FHIP2A: variants seen among roughly 807,000 people sequenced by gnomAD.
FHIP2A encodes the protein FHF complex subunit HOOK interacting protein 2A.
A neutral mutation model predicts 93.5 loss-of-function variants in FHIP2A; 46 were observed. That is an observed-to-expected ratio of 0.49 (90% CI 0.39 to 0.63). FHIP2A has a LOEUF of 0.63. Among genes scored for constraint, FHIP2A ranks in the 20% least tolerant of loss-of-function variants. FHIP2A has a pLI of 0.00. For missense variants in FHIP2A, 769 were observed against 909.7 expected (o/e 0.85, Z 1.99); for synonymous variants, 332 against 326.5 (o/e 1.02, Z -0.18).
rs780674581 is a variant in FHIP2A, at chr10:114,833,398, C to T, written c.290C>T (p.Ala97Val). 1 of 1,613,468 alleles carries T rather than the reference C, an allele frequency of 6.2e-7. No individual in the cohort carries two copies. The highest frequency in any genetic ancestry group is 1.1e-5 in the South Asian group (1 of 90,990). ...ILETLYTLGKADCPPGMKQQV... is the reference protein window; with the variant it reads ...ILETLYTLGKVDCPPGMKQQV... Reference sequence around the variant, plus strand: ...GAAACATTATATACCTTGGGGAAAGCTGATGTAAGTTCCTGATCCACACCA... The same window carrying T: ...GAAACATTATATACCTTGGGGAAAGTTGATGTAAGTTCCTGATCCACACCA... The change falls in exon 3 of 17, where the codon GCT becomes GTT. Residue 97 changes from alanine (A) to valine (V), a missense_variant. Transcript: ENST00000369248.
At chr10:114,853,110 T>C (rs187479532) in intron 13 of FHIP2A, among the ~76,000 whole-genome samples, 2 of 152,306 alleles carry the variant, frequency 1.3e-5, no homozygotes, top group African/African-American at 2.4e-5. Context: ...TGCCTTGGGG[T>C]TATAAGGTAA....
chr10:114,835,465 T>C, intron 3 of FHIP2A, 72 bp from the exon 4 acceptor site: 2 of 876,044 alleles, frequency 2.3e-6, no homozygotes, highest in South Asian at 3.2e-5. Flanking sequence ...TCTCCAATTT[T>C]TTAAGCTTTT....
At chr10:114,861,022 T>G in intron 15 of FHIP2A, 133 bp downstream of exon 15, 1 of 1,034,776 alleles carries the variant, frequency 9.7e-7, no homozygotes, top group Admixed American at 2.4e-5. Context: ...TTATACATTC[T>G]GAACTACTAT....
Position 114,843,921 on chromosome 10 carries a change from G to A in FHIP2A, c.997G>A (p.Glu333Lys), listed in dbSNP as rs762613569. 3 of 1,572,020 alleles carry A rather than the reference G, an allele frequency of 1.9e-6. No individual in the cohort carries two copies. The highest frequency in any genetic ancestry group is 2.6e-6 in the Non-Finnish European group (3 of 1,167,026). ...GGATCCGTTAGATATTGAAACCGTGGAAGCAATTAACTGGGGGTAAGCACC... is the reference window on the plus strand; with the variant it reads ...GGATCCGTTAGATATTGAAACCGTGAAAGCAATTAACTGGGGGTAAGCACC... ...SVDPLDIETV[E>K]AINWGLDSYS... Residue 333 changes from glutamate (E) to lysine (K), a missense_variant, in exon 7 of 17, where the codon GAA (glutamate) becomes AAA (lysine). Transcript: ENST00000369248.
intron 7 of FHIP2A, among the ~76,000 whole-genome samples, chr10:114,844,547 T>C (rs545148289): frequency 1.3e-5 from 2 of 152,354 alleles, no homozygotes; most frequent in South Asian, 4.1e-4. Context: ...CTCTATTTTC[T>C]GTCAACATCT....
At chr10:114,869,947 C>T (rs1322820399) in intron 16 of FHIP2A, among the ~76,000 whole-genome samples, 5 of 152,024 alleles carry the variant, frequency 3.3e-5, no homozygotes, top group Non-Finnish European at 4.4e-5. Flanking sequence ...ATACATCTTG[C>T]GAAGTAGTGT....
Position 114,861,454 on chromosome 10 carries a change from C to A in FHIP2A, c.2212C>A (p.Leu738Ile), listed in dbSNP as rs1020981945. The change falls in exon 17 of 17, where the codon CTA becomes ATA. Residue 738 changes from leucine (L) to isoleucine (I), a missense_variant. By Grantham distance (5) the Leu-to-Ile change is conservative. Coordinates refer to ENST00000369248, the MANE Select transcript of FHIP2A (RefSeq NM_020940.4). ...TACCAGTATTGACCACATCACACTG[C>A]TAGAGGGTGTGATTGTGTTAGAAGA... ...EGPIIDHITL[L>I]EGVIVLEEFC... The A allele has an allele frequency of 1.6e-5, 26 of 1,613,890 alleles. No individual in the cohort carries two copies. Among genetic ancestry groups the A allele is most frequent in the Non-Finnish European group, 2.2e-5 (26 of 1,179,982 alleles).
At chr10:114,892,921 A>C (rs568130300) in intron 16 of FHIP2A, among the ~76,000 whole-genome samples, 24 of 152,312 alleles carry the variant, frequency 1.6e-4, no homozygotes, top group African/African-American at 5.8e-4. Flanking sequence ...CTATAGAGGA[A>C]CAACAACAAA....
chr10:114,889,683 C>T (rs2143015981), intron 16 of FHIP2A, among the ~76,000 whole-genome samples: 1 of 152,348 alleles, frequency 6.6e-6, no homozygotes, highest in Middle Eastern at 3.4e-3. Context: ...CTGACCCTGA[C>T]CTGCAGTGGA....
At chr10:114,824,804 G>T (rs897978574) in intron 1 of FHIP2A, among the ~76,000 whole-genome samples, 1 of 152,066 alleles carries the variant, frequency 6.6e-6, no homozygotes, top group African/African-American at 2.4e-5. Flanking sequence ...CTGTTCATGT[G>T]TACGTCCAAT....
intron 1 of FHIP2A, among the ~76,000 whole-genome samples, chr10:114,824,584 A>C (rs552236439): frequency 6.6e-6 from 1 of 152,220 alleles, no homozygotes; most frequent in Non-Finnish European, 1.5e-5. Flanking sequence ...GTTCTATACT[A>C]ACCTTTTTTT....
In FHIP2A at chr10:114,884,527, C is replaced by T. The variant is rs74158087; in HGVS notation, c.2193-14963C>T. Among the ~76,000 whole-genome samples, 540 of 152,258 alleles carry T rather than the reference C, an allele frequency of 3.5e-3. 4 individuals carry two copies. The highest frequency in any genetic ancestry group is 0.013 in the African/African-American group (525 of 41,554). ...TGAGAGCATGTATAAAAGAAAATAG[C>T]TCTGTGCCAGACACTCACTAAGAGC... is the stretch of plus-strand genomic sequence containing the variant. On this transcript the variant is annotated intron_variant, in intron 16 of 16. Transcript: ENST00000369250.
intron 5 of FHIP2A, among the ~76,000 whole-genome samples, chr10:114,838,217 C>T (rs1453248449): frequency 2.6e-5 from 4 of 152,156 alleles, no homozygotes; most frequent in African/African-American, 9.7e-5. Flanking sequence ...TAAATGTTAA[C>T]CACTCCAATA....
chr10:114,847,028 T>G, intron 11 of FHIP2A, 62 bp from the exon 12 acceptor site: 1 of 1,394,238 alleles, frequency 7.2e-7, no homozygotes, highest in Non-Finnish European at 9.9e-7. Context: ...GCAGAGAATC[T>G]TTTGGTTTAG....
At chr10:114,881,412 G>A (rs774942084) in intron 16 of FHIP2A, among the ~76,000 whole-genome samples, 13 of 152,024 alleles carry the variant, frequency 8.6e-5, no homozygotes, top group Admixed American at 4.6e-4. Context: ...GCCCCTCACC[G>A]GCACCCTATG....
intron 5 of FHIP2A, among the ~76,000 whole-genome samples, chr10:114,838,380 T>A (rs539845763): frequency 2.0e-5 from 3 of 152,342 alleles, no homozygotes; most frequent in South Asian, 4.1e-4. Context: ...ACACTCATCA[T>A]GCGCATCGTG....
chr10:114,844,661 CT>C (rs565943633), intron 7 of FHIP2A, among the ~76,000 whole-genome samples: 6 of 152,282 alleles, frequency 3.9e-5, no homozygotes, highest in Non-Finnish European at 7.4e-5. Flanking sequence ...ATTTACCGTT[CT>C]TTTCTTCCAT....
At chr10:114,828,032 A>G (rs867600054) in intron 1 of FHIP2A, among the ~76,000 whole-genome samples, 1 of 152,092 alleles carries the variant, frequency 6.6e-6, no homozygotes, top group Non-Finnish European at 1.5e-5. Flanking sequence ...CAGAGCATCA[A>G]TATTTTTATG....
In FHIP2A at chr10:114,861,590, C is replaced by T. The variant is rs2083800349; in HGVS notation, c.*50C>T. 1.3e-6 allele frequency: 2 copies of T among 1,590,148 alleles called. No individual in the cohort carries two copies. The highest frequency in any genetic ancestry group is 1.7e-6 in the Non-Finnish European group (2 of 1,171,560). Reference sequence around the variant, plus strand: ...GAACAGAACTACTGTGTACATTTCACCAAAAAAGACTCAGTTCCACCCAGC... The same window carrying T: ...GAACAGAACTACTGTGTACATTTCATCAAAAAAGACTCAGTTCCACCCAGC... On this transcript the variant is annotated 3_prime_UTR_variant, in exon 17 of 17. Coordinates refer to ENST00000369248, the MANE Select transcript of FHIP2A (RefSeq NM_020940.4).
Sources: gnomAD v4.1 joint callset for allele counts (sites outside exome capture counted in the v4.1 genomes callset) on GRCh38, gnomAD v4.1.1 for gene constraint, MANE v1.5 for transcripts, NCBI Gene and HGNC (gene_info 2026-07-23, HGNC 2026-07-21) for gene names.